Variants in CLEC16A observed in about 807,000 individuals in gnomAD.
The protein encoded by CLEC16A is C-type lectin domain containing 16A, also known as protein CLEC16A.
A neutral mutation model predicts 109.5 loss-of-function variants in CLEC16A; 51 were observed. That is an observed-to-expected ratio of 0.47 (90% CI 0.37 to 0.59). CLEC16A has a LOEUF of 0.59. Among genes scored for constraint, CLEC16A ranks in the 20% least tolerant of loss-of-function variants. The pLI is 0.00. For missense variants in CLEC16A, 1,339 were observed against 1,394.0 expected, an observed-to-expected ratio of 0.96 and a Z score of 0.63; for synonymous variants, 673 against 564.2, an observed-to-expected ratio of 1.19 and a Z score of -2.73.
chr16:11,147,024 C>T (rs544199925), intron 22 of CLEC16A, among the ~76,000 whole-genome samples: 3 of 152,116 alleles, frequency 2.0e-5, no homozygotes, highest in Non-Finnish European at 4.4e-5. Context: ...GGGAAGGCTT[C>T]TCTGAGGAAA....
chr16:11,132,337 C>T (rs945372298), intron 22 of CLEC16A, among the ~76,000 whole-genome samples: 2 of 150,764 alleles, frequency 1.3e-5, no homozygotes, highest in Non-Finnish European at 2.9e-5. Context: ...TCATACAATC[C>T]ATGGCCTTTC....
intron 19 of CLEC16A, among the ~76,000 whole-genome samples, chr16:11,111,266 A>G (rs778525076): frequency 3.3e-5 from 5 of 152,224 alleles, no homozygotes; most frequent in Non-Finnish European, 7.3e-5. Flanking sequence ...TAATTTGCCC[A>G]GGGCTCAATG....
chr16:10,987,200 T>C (rs1225568036), intron 10 of CLEC16A, among the ~76,000 whole-genome samples: 1 of 152,020 alleles, frequency 6.6e-6, no homozygotes, highest in Non-Finnish European at 1.5e-5. Flanking sequence ...CTGAGATAAT[T>C]ATAGATTTGC....
intron 22 of CLEC16A, among the ~76,000 whole-genome samples, chr16:11,159,835 T>C (rs1017789962): frequency 2.6e-5 from 4 of 152,248 alleles, no homozygotes; most frequent in East Asian, 3.8e-4. Flanking sequence ...CGGGTTCTTA[T>C]TTACTTTTTG....
intron 19 of CLEC16A, among the ~76,000 whole-genome samples, chr16:11,089,965 G>A (rs1397359139): frequency 6.6e-6 from 1 of 152,196 alleles, no homozygotes; most frequent in Non-Finnish European, 1.5e-5. Context: ...GTGTTTGGAG[G>A]CCACACAGCT....
chr16:11,043,489 C>T (rs1225173439), intron 15 of CLEC16A, among the ~76,000 whole-genome samples: 1 of 152,188 alleles, frequency 6.6e-6, no homozygotes, highest in Non-Finnish European at 1.5e-5. Flanking sequence ...TTAACAGCTT[C>T]TCATGCCATT....
chr16:11,140,141 G>T (rs1482255007), intron 22 of CLEC16A, among the ~76,000 whole-genome samples: 1 of 152,112 alleles, frequency 6.6e-6, no homozygotes, highest in African/African-American at 2.4e-5. Flanking sequence ...TTGATTTGAA[G>T]GCTCTGCAGA....
At chr16:10,978,886 A>G (rs2043163675) in intron 8 of CLEC16A, among the ~76,000 whole-genome samples, 1 of 152,154 alleles carries the variant, frequency 6.6e-6, no homozygotes, top group Non-Finnish European at 1.5e-5. Flanking sequence ...TGGGTGTGAA[A>G]TGGAGCATCT....
intron 19 of CLEC16A, among the ~76,000 whole-genome samples, chr16:11,067,318 A>G (rs1225927184): frequency 6.6e-6 from 1 of 150,640 alleles, no homozygotes; most frequent in Non-Finnish European, 1.5e-5. Context: ...TCAAACTCAG[A>G]TGACCACCGT....
At chr16:11,076,020 CATAG>C (rs1389481872) in intron 19 of CLEC16A, among the ~76,000 whole-genome samples, 7 of 152,226 alleles carry the variant, frequency 4.6e-5, no homozygotes, top group Non-Finnish European at 1.0e-4. Flanking sequence ...TTAAGCATCA[CATAG>C]ATAGAGAACC....
chr16:11,057,446 C>T (rs2048268461), intron 18 of CLEC16A, among the ~76,000 whole-genome samples: 1 of 152,230 alleles, frequency 6.6e-6, no homozygotes, highest in Non-Finnish European at 1.5e-5. Context: ...ATTACCAAGC[C>T]CCAGCTTGAG....
At position 11,058,535 on chromosome 16, in the gene CLEC16A, T is replaced by A. The variant is rs924911618; in HGVS notation, c.1996-2367T>A. 4.6e-5 allele frequency among the ~76,000 whole-genome samples: 7 copies of A among 152,012 alleles called. No homozygotes were observed. The South Asian group carries it at 6.2e-4, about 14-fold the overall frequency. On this transcript the variant is annotated intron_variant, in intron 18 of 23. Transcript: ENST00000409790. ...GTACAGATGCAACCCTTTTTTTTTT[T>A]AATATTTTTGATCTACAGTTGGTTG...
rs368774452 is a variant in CLEC16A, at chr16:11,166,569, T to G, written c.2806+17T>G. ...GTCCAGCAGGTATTGGCCACGTGAC[T>G]CAGTGATATGGGGACATTTGGAGAA... is the stretch of plus-strand genomic sequence containing the variant. On this transcript the variant is annotated intron_variant, in intron 23 of 23. Coordinates refer to ENST00000409790, the MANE Select transcript of CLEC16A (RefSeq NM_015226.3). 12 of 1,569,498 alleles carry G rather than the reference T, an allele frequency of 7.6e-6. No homozygotes were observed. Among genetic ancestry groups the G allele is most frequent in the Non-Finnish European group, 1.0e-5 (12 of 1,157,800 alleles).
chr16:11,068,919 A>G (rs558403703), intron 19 of CLEC16A, among the ~76,000 whole-genome samples: 3 of 151,978 alleles, frequency 2.0e-5, no homozygotes, highest in East Asian at 3.9e-4. Flanking sequence ...GATTCAAGCA[A>G]TTCTCATGTG....
chr16:11,013,994 G>C (rs537651170), intron 11 of CLEC16A, among the ~76,000 whole-genome samples: 2 of 152,222 alleles, frequency 1.3e-5, no homozygotes, highest in Admixed American at 1.3e-4. Flanking sequence ...AAAATTTCCA[G>C]TTTAGGCTTC....
At chr16:11,165,623 C>T in intron 22 of CLEC16A, among the ~76,000 whole-genome samples, 1 of 152,168 alleles carries the variant, frequency 6.6e-6, no homozygotes, top group Non-Finnish European at 1.5e-5. Flanking sequence ...CAGGTTGTGG[C>T]TGGGAAAGAC....
intron 22 of CLEC16A, among the ~76,000 whole-genome samples, chr16:11,131,825 T>C (rs2053226433): frequency 6.6e-6 from 1 of 152,008 alleles, no homozygotes; most frequent in Admixed American, 6.6e-5. Context: ...CAGCCCTCTC[T>C]CCCCTCGGCT....
intron 22 of CLEC16A, among the ~76,000 whole-genome samples, chr16:11,159,091 G>T (rs986344297): frequency 6.6e-6 from 1 of 152,192 alleles, no homozygotes; most frequent in Non-Finnish European, 1.5e-5. Flanking sequence ...TCAAAATCCA[G>T]ATATCCAGCT....
chr16:11,167,921 A>G (rs2068340367), intron 23 of CLEC16A, among the ~76,000 whole-genome samples: 1 of 152,184 alleles, frequency 6.6e-6, no homozygotes, highest in African/African-American at 2.4e-5. Flanking sequence ...ATCCCGTTTC[A>G]TGCTTGCTCA....
Sources: allele counts gnomAD v4.1 joint callset (sites outside exome capture counted in the v4.1 genomes callset), GRCh38; gene constraint gnomAD v4.1.1; transcripts MANE v1.5; gene names NCBI Gene and HGNC (gene_info 2026-07-23, HGNC 2026-07-21).